The following FRK variants were observed in gnomAD, a reference collection of about 807,000 sequenced individuals.
FRK encodes the protein tyrosine-protein kinase FRK.
In FRK, 51 loss-of-function variants were observed where a neutral mutation model predicts 56.4. The ratio of observed to expected loss-of-function variants is 0.90; its 90% CI spans 0.72 to 1.14. FRK has a LOEUF of 1.14. FRK is among the 50% of genes most tolerant of loss of function. FRK has a pLI of 0.00. For missense variants in FRK, 570 were observed against 601.4 expected, an observed-to-expected ratio of 0.95 and a Z score of 0.55; for synonymous variants, 245 against 217.9, an observed-to-expected ratio of 1.12 and a Z score of -1.10.
chr6:116,069,925 G>A, the FRK span, among the ~76,000 whole-genome samples: 1 of 152,064 alleles, frequency 6.6e-6, no homozygotes, highest in African/African-American at 2.4e-5. Context: ...CCATACTGCT[G>A]ATCTTAGGAC....
At chr6:115,989,302 A>AT (rs1220821886) in intron 2 of FRK, among the ~76,000 whole-genome samples, 2 of 151,816 alleles carry the variant, frequency 1.3e-5, no homozygotes, top group African/African-American at 4.8e-5. Flanking sequence ...TATCTATTTT[A>AT]TTTTAGATTC....
intron 1 of FRK, among the ~76,000 whole-genome samples, chr6:116,014,722 G>A (rs182274860): frequency 8.7e-4 from 132 of 152,230 alleles, no homozygotes; most frequent in Admixed American, 1.2e-3. Flanking sequence ...TTTAAGCCCT[G>A]AGCTCACCAG....
intron 1 of FRK, among the ~76,000 whole-genome samples, chr6:116,018,582 TAA>T (rs1275955386): frequency 2.0e-5 from 3 of 152,198 alleles, no homozygotes; most frequent in Non-Finnish European, 2.9e-5. Flanking sequence ...AGTGTTTTCA[TAA>T]GAGGATATAC....
chr6:115,976,851 T>A (rs1239704917), intron 2 of FRK, among the ~76,000 whole-genome samples: 1 of 152,182 alleles, frequency 6.6e-6, no homozygotes, highest in Non-Finnish European at 1.5e-5. Flanking sequence ...GTGTGAATAC[T>A]GTATCACAAT....
At chr6:116,082,539 G>A in the FRK span, among the ~76,000 whole-genome samples, 1 of 152,164 alleles carries the variant, frequency 6.6e-6, no homozygotes, top group African/African-American at 2.4e-5. Context: ...CTAGATTCTG[G>A]ATATATGTTT....
At chr6:116,030,322 T>A (rs1350270685) in intron 1 of FRK, among the ~76,000 whole-genome samples, 1 of 152,148 alleles carries the variant, frequency 6.6e-6, no homozygotes, top group East Asian at 1.9e-4. Flanking sequence ...TTTTGCCAAC[T>A]TACTTTGGGG....
intron 2 of FRK, among the ~76,000 whole-genome samples, chr6:115,995,650 G>T (rs551593641): frequency 1.2e-4 from 19 of 152,206 alleles, no homozygotes; most frequent in African/African-American, 4.6e-4. Context: ...TTCTAGAAAT[G>T]TTAGTTATGA....
chr6:116,061,990 AAAAGAAAGAAAGAAGGAAAG>A (rs1176033614), upstream of FRK, among the ~76,000 whole-genome samples: 1 of 148,702 alleles, frequency 6.7e-6, no homozygotes, highest in African/African-American at 2.5e-5. Context: ...AAAAAGAAAG[AAAAGAAAGAAAGAAGGAAAG>A]AAAGAAAGAA....
At chr6:115,978,880 T>C (rs1774087352) in intron 2 of FRK, among the ~76,000 whole-genome samples, 1 of 152,034 alleles carries the variant, frequency 6.6e-6, no homozygotes, top group African/African-American at 2.4e-5. Context: ...AGTGAGACCT[T>C]ATCTTTACAA....
the FRK span, among the ~76,000 whole-genome samples, chr6:116,094,714 G>A: frequency 6.6e-6 from 1 of 152,192 alleles, no homozygotes; most frequent in East Asian, 1.9e-4. Flanking sequence ...GCATCTGGCA[G>A]AGACAGGGAA....
chr6:116,076,954 T>C, the FRK span, among the ~76,000 whole-genome samples: 1 of 152,230 alleles, frequency 6.6e-6, no homozygotes, highest in Non-Finnish European at 1.5e-5. Flanking sequence ...ATCTGCATTA[T>C]CTTGAAAAAT....
chr6:116,004,897 A>G (rs1251131232), intron 1 of FRK, among the ~76,000 whole-genome samples: 1 of 152,184 alleles, frequency 6.6e-6, no homozygotes, highest in African/African-American at 2.4e-5. Context: ...ATCATTAAAG[A>G]TTTTAGGTAA....
chr6:116,010,214 G>GA (rs200851965), intron 1 of FRK, among the ~76,000 whole-genome samples: 6,216 of 142,570 alleles, frequency 0.044, 149 homozygotes, highest in South Asian at 0.083. Context: ...ATTCTGTCTC[G>GA]AAAAAAAAAA....
At chr6:115,969,582 C>T (rs1484603707) in intron 2 of FRK, among the ~76,000 whole-genome samples, 1 of 152,050 alleles carries the variant, frequency 6.6e-6, no homozygotes, top group African/African-American at 2.4e-5. Flanking sequence ...CACCTGGAGC[C>T]GAAGAAGACA....
intron 1 of FRK, among the ~76,000 whole-genome samples, chr6:116,025,734 G>A (rs190509496): frequency 1.4e-4 from 21 of 152,254 alleles, no homozygotes; most frequent in African/African-American, 3.9e-4. Flanking sequence ...ACTAATATGT[G>A]TGTGTTATAA....
intron 2 of FRK, among the ~76,000 whole-genome samples, chr6:115,997,820 G>T (rs958265305): frequency 1.3e-5 from 2 of 152,160 alleles, no homozygotes; most frequent in African/African-American, 4.8e-5. Context: ...AAAGCAAAGG[G>T]TTCACTAGGC....
At chr6:116,073,496 T>C in the FRK span, among the ~76,000 whole-genome samples, 1 of 152,124 alleles carries the variant, frequency 6.6e-6, no homozygotes, top group Non-Finnish European at 1.5e-5. Context: ...GTATTGAACT[T>C]AACAGCAAAC....
rs753596132 is a variant in FRK, at chr6:115,968,644, C to T, written c.562G>A (p.Glu188Lys). Residue 188 changes from glutamate (E) to lysine (K), a missense_variant, in exon 3 of 8, where the codon GAA becomes AAA. Glu to Lys is a moderately conservative substitution (Grantham distance 56). Coordinates refer to ENST00000606080, the MANE Select transcript of FRK (RefSeq NM_002031.3). ...TRRRIFSTLN[E>K]FVSHYTKTSD... ...GTCTTGGTGTAGTGGCTCACAAATTCGTTCAGTGTTGAAAAGATTCTTCTT... is the reference window on the plus strand; with the variant it reads ...GTCTTGGTGTAGTGGCTCACAAATTTGTTCAGTGTTGAAAAGATTCTTCTT... 6 of 1,613,818 alleles carry T rather than the reference C, an allele frequency of 3.7e-6. No individual in the cohort carries two copies. Among genetic ancestry groups the T allele is most frequent in the Admixed American group, 1.7e-5 (1 of 59,976 alleles).
intron 1 of FRK, among the ~76,000 whole-genome samples, chr6:116,009,130 T>A (rs557877603): frequency 2.5e-3 from 375 of 152,300 alleles, no homozygotes; most frequent in African/African-American, 8.4e-3. Flanking sequence ...ATGTTTGCCT[T>A]ATTTTGAACA....
Sources: allele counts gnomAD v4.1 joint callset (sites outside exome capture counted in the v4.1 genomes callset), GRCh38; gene constraint gnomAD v4.1.1; transcripts MANE v1.5; gene names NCBI Gene and HGNC (gene_info 2026-07-23, HGNC 2026-07-21).